Variants in USP33 observed in about 807,000 individuals in gnomAD.
USP33 encodes the protein ubiquitin carboxyl-terminal hydrolase 33.
Under a neutral mutation model 124.2 loss-of-function variants are expected in USP33, and 46 were observed. That is an observed-to-expected ratio of 0.37 (90% confidence interval 0.29 to 0.47). USP33 has a LOEUF of 0.47. USP33 is among the 20% of genes least tolerant of loss of function. The pLI, the probability that USP33 is intolerant of heterozygous loss-of-function variation, is 0.99. For missense variants in USP33, 851 were observed against 1,070.6 expected (o/e 0.79, Z 2.86); for synonymous variants, 350 against 352.3 (o/e 0.99, Z 0.07).
At chr1:77,701,008 A>G (rs1489621363) in intron 22 of USP33, among the ~76,000 whole-genome samples, 1 of 152,190 alleles carries the variant, frequency 6.6e-6, no homozygotes, top group Admixed American at 6.5e-5. Context: ...ACATATCAGA[A>G]TATCTTATTT....
chr1:77,701,581 G>A (rs1425483057), intron 21 of USP33, 110 bp from the exon 22 acceptor site: 8 of 821,282 alleles, frequency 9.7e-6, no homozygotes, highest in Non-Finnish European at 1.6e-5. Context: ...GGGAGGCTGA[G>A]GCAGGAGGAG....
At position 77,701,430 on chromosome 1, in the gene USP33, A is replaced by G. The variant is rs370953955; in HGVS notation, c.2448T>C (p.Phe816=). The part of the protein sequence containing the change: ...AFQKEDSPAT[F]YCISMQWFRE... ...TAAACCACTGCATACTGATGCAATA[A>G]AAAGTAGCTGGAGAGTCCTCTTTTT... is the stretch of plus-strand genomic sequence containing the variant. Residue 816 remains phenylalanine, a synonymous_variant, in exon 22 of 24, where the codon TTT becomes TTC. Coordinates refer to ENST00000370794, the MANE Select transcript of USP33 (RefSeq NM_201624.3). 1 of 1,613,384 alleles carries G rather than the reference A, an allele frequency of 6.2e-7. No homozygotes were observed. Among genetic ancestry groups the G allele is most frequent in the African/African-American group, 1.3e-5 (1 of 74,886 alleles).
Position 77,749,484 on chromosome 1 carries a change from C to T in USP33, c.-51-7736G>A, listed in dbSNP as rs572787952. Among the ~76,000 whole-genome samples, 82 of 151,970 alleles carry T rather than the reference C, an allele frequency of 5.4e-4. No homozygotes were observed. The South Asian group carries it at 0.015, about 27-fold the overall frequency. On this transcript the variant is annotated intron_variant, in intron 1 of 23. Coordinates refer to ENST00000370794, the MANE Select transcript of USP33 (RefSeq NM_201624.3). ...GCAACCTCCACCTCCCAGGTTCGTA[C>T]GATTCTCTTGTCTCAGCCTCCCAAA...
intron 1 of USP33, among the ~76,000 whole-genome samples, chr1:77,753,293 G>C (rs1303816951): frequency 6.6e-6 from 1 of 150,700 alleles, no homozygotes; most frequent in Non-Finnish European, 1.5e-5. Context: ...AGAATAAAAA[G>C]AGTAACCAGT....
intron 16 of USP33, 73 bp from the exon 17 acceptor site, chr1:77,718,120 G>A: frequency 7.7e-7 from 1 of 1,296,080 alleles, no homozygotes; most frequent in Non-Finnish European, 1.1e-6. Flanking sequence ...GTAAAACTTA[G>A]TAACATTTTT....
At chr1:77,726,715 G>A (rs1003775625) in intron 10 of USP33, among the ~76,000 whole-genome samples, 2 of 150,710 alleles carry the variant, frequency 1.3e-5, no homozygotes, top group Non-Finnish European at 2.9e-5. Context: ...AAGAAAAATC[G>A]ATTATTCTCC....
At chr1:77,714,809 T>G in intron 18 of USP33, 26 bp from the exon 19 acceptor site, 1 of 1,603,748 alleles carries the variant, frequency 6.2e-7, no homozygotes, top group South Asian at 1.1e-5. Flanking sequence ...ATTAGTTAAA[T>G]TCAATATGCA....
chr1:77,701,415 C>T lies in USP33; in HGVS notation c.2463G>A (p.Met821Ile). The T allele has an allele frequency of 1.2e-6, 2 of 1,613,494 alleles. 1 individual carries two copies. Among genetic ancestry groups the T allele is most frequent in the South Asian group, 2.2e-5 (2 of 90,984 alleles). ...DSPATFYCIS[M>I]QWFREWESFV... ...AACTTTCCCATTCTCTAAACCACTG[C>T]ATACTGATGCAATAAAAAGTAGCTG... is the stretch of plus-strand genomic sequence containing the variant. Residue 821 changes from methionine (M) to isoleucine (I), a missense_variant, in exon 22 of 24, where the codon ATG (methionine) becomes ATA (isoleucine). This residue lies in a region of USP33 where 142 missense variants were observed against 141.8 expected (regional missense o/e 1.00). Coordinates refer to ENST00000370794, the MANE Select transcript of USP33 (RefSeq NM_201624.3).
chr1:77,734,568 C>G (rs1279150322), intron 6 of USP33, 152 bp from the exon 7 acceptor site: 1 of 548,126 alleles, frequency 1.8e-6, no homozygotes, highest in African/African-American at 2.0e-5. Flanking sequence ...CTTTGGGAAG[C>G]CTTACAATCA....
chr1:77,739,398 G>A lies in USP33; in HGVS notation c.218C>T (p.Thr73Ile). The A allele has an allele frequency of 6.2e-7, 1 of 1,609,750 alleles. No individual in the cohort carries two copies. The highest frequency in any genetic ancestry group is 8.5e-7 in the Non-Finnish European group (1 of 1,178,320). The change falls in exon 5 of 24, where the codon ACT becomes ATT. Residue 73 changes from threonine to isoleucine, a missense_variant. By Grantham distance (89) the Thr-to-Ile change is moderately conservative. This residue lies in a region of USP33 where 221 missense variants were observed against 302.9 expected (regional missense o/e 0.73). Coordinates refer to ENST00000370794, the MANE Select transcript of USP33 (RefSeq NM_201624.3). ...TACTCGAAGAGTGGTAAGGTTCACA[G>A]TTAGATAATGCTTTGTCTCCTATAT... ...IHSQETKHYL[T>I]VNLTTLRVWC...
chr1:77,725,988 C>G (rs1677115409), intron 10 of USP33, among the ~76,000 whole-genome samples: 1 of 152,140 alleles, frequency 6.6e-6, no homozygotes, highest in South Asian at 2.1e-4. Flanking sequence ...CTCCCTCTGT[C>G]CCCCAGGCTG....
At chr1:77,721,741 T>C in intron 14 of USP33, 90 bp downstream of exon 14, 5 of 1,206,646 alleles carry the variant, frequency 4.1e-6, no homozygotes, top group Non-Finnish European at 5.8e-6. Context: ...GTCTTAAAAC[T>C]GAGCTTTTAT....
At position 77,722,031 on chromosome 1, in the gene USP33, C is replaced by T. The variant is rs376953388; in HGVS notation, c.1555G>A (p.Val519Met). Residue 519 changes from valine to methionine, a missense_variant, in exon 13 of 24, where the codon GTG becomes ATG. Physicochemically the swap from Val to Met is conservative, Grantham distance 21 (BLOSUM62 1). Transcript: ENST00000370794. ...QGWIAFFMEY[V>M]KRFVVSCVPS... is the part of the protein sequence containing the mutation. ...AAGAAAATAAATACATACCTCTTCA[C>T]ATATTCCATGAAAAAAGCTATCCAC... The T allele has an allele frequency of 5.6e-6, 9 of 1,612,908 alleles. No individual in the cohort carries two copies. The highest frequency in any genetic ancestry group is 1.1e-5 in the South Asian group (1 of 90,730).
At chr1:77,733,747 C>G (rs1448544292) in intron 7 of USP33, among the ~76,000 whole-genome samples, 2 of 152,138 alleles carry the variant, frequency 1.3e-5, no homozygotes, top group African/African-American at 4.8e-5. Context: ...CCAAAAAAAT[C>G]TGAAACACTT....
intron 1 of USP33, among the ~76,000 whole-genome samples, chr1:77,747,522 C>T (rs1384163764): frequency 6.6e-6 from 1 of 152,154 alleles, no homozygotes; most frequent in South Asian, 2.1e-4. Flanking sequence ...ACTCCCAAAG[C>T]GCTGGGATTA....
chr1:77,749,575 T>C (rs1680090851), intron 1 of USP33, among the ~76,000 whole-genome samples: 1 of 152,094 alleles, frequency 6.6e-6, no homozygotes, highest in Non-Finnish European at 1.5e-5. Context: ...AGAGATGGGA[T>C]TTCACCATGT....
At chr1:77,745,285 T>A (rs1438945458) in intron 1 of USP33, 1 of 152,256 alleles carries the variant, frequency 6.6e-6, no homozygotes, top group Non-Finnish European at 1.5e-5. Flanking sequence ...TAGATCTTCC[T>A]CCATCCCTTT....
intron 18 of USP33, among the ~76,000 whole-genome samples, chr1:77,715,205 CTTTCTT>C (rs1365707720): frequency 6.6e-6 from 1 of 151,890 alleles, no homozygotes. Context: ...TAAACCTAAT[CTTTCTT>C]TTTCTTTTTT....
At chr1:77,738,692 G>A (rs986127103) in intron 5 of USP33, among the ~76,000 whole-genome samples, 4 of 152,126 alleles carry the variant, frequency 2.6e-5, no homozygotes, top group Non-Finnish European at 5.9e-5. Context: ...ATGTTAGCCA[G>A]GATGGTCTCG....
Sources: allele counts gnomAD v4.1 joint callset (sites outside exome capture counted in the v4.1 genomes callset), GRCh38; gene constraint gnomAD v4.1.1; regional missense constraint gnomAD v4.1.1; transcripts MANE v1.5; gene names NCBI Gene and HGNC (gene_info 2026-07-23, HGNC 2026-07-21).